The following CDH13 variants were observed in gnomAD, a reference collection of about 807,000 sequenced individuals.
CDH13 encodes cadherin 13.
A neutral mutation model predicts 63.8 loss-of-function variants in CDH13; 24 were observed. That is an observed-to-expected ratio of 0.38 (90% CI 0.27 to 0.53). The LOEUF (loss-of-function observed/expected upper bound fraction) is 0.53. CDH13 is among the 20% of genes least tolerant of loss of function. The pLI is 0.85. For synonymous variants in CDH13, 503 were observed against 355.3 expected, an observed-to-expected ratio of 1.42 and a Z score of -4.67; for missense variants, 1,049 against 903.1, an observed-to-expected ratio of 1.16 and a Z score of -2.07.
At chr16:83,634,135 ATGTG>A (rs35109001) in intron 8 of CDH13, among the ~76,000 whole-genome samples, 2 of 104,318 alleles carry the variant, frequency 1.9e-5, no homozygotes, top group African/African-American at 7.6e-5. Context: ...GTGTGTGTGT[ATGTG>A]TGTGTGTGTG....
intron 5 of CDH13, among the ~76,000 whole-genome samples, chr16:83,321,180 C>T (rs1444445156): frequency 2.0e-5 from 3 of 152,208 alleles, no homozygotes; most frequent in Non-Finnish European, 1.5e-5. Context: ...CAGACACAGA[C>T]ATCAATCTCT....
Position 83,670,839 on chromosome 16 carries a change from C to T in CDH13, c.1151C>T (p.Thr384Ile). Residue 384 changes from threonine to isoleucine, a missense_variant, in exon 9 of 14, where the codon ACA (threonine) becomes ATA (isoleucine). By Grantham distance (89) the Thr-to-Ile change is moderately conservative. Transcript: ENST00000567109. ...GCTGTGGGAGTTATTGTCAATTTGA[C>T]AGTTGAAGATAAGGATGACCCCACC... The part of the protein sequence containing the change: ...EGAVGVIVNL[T>I]VEDKDDPTTG... 6.2e-7 allele frequency: 1 copy of T among 1,613,970 alleles called. No individual in the cohort carries two copies. Among genetic ancestry groups the T allele is most frequent in the Non-Finnish European group, 8.5e-7 (1 of 1,179,864 alleles).
intron 2 of CDH13, among the ~76,000 whole-genome samples, chr16:82,971,087 A>G (rs539300714): frequency 6.6e-6 from 1 of 152,208 alleles, no homozygotes; most frequent in African/African-American, 2.4e-5. Flanking sequence ...GAACAAACAC[A>G]TTCTGAGAAC....
chr16:83,104,817 C>G (rs910348045), intron 3 of CDH13, among the ~76,000 whole-genome samples: 3 of 151,992 alleles, frequency 2.0e-5, no homozygotes, highest in African/African-American at 7.2e-5. Flanking sequence ...ATGAAGCTAA[C>G]GAACAAAAAC....
chr16:83,294,213 A>T (rs1029122408), intron 5 of CDH13, among the ~76,000 whole-genome samples: 4 of 152,190 alleles, frequency 2.6e-5, no homozygotes, highest in African/African-American at 9.7e-5. Flanking sequence ...CATATGCATT[A>T]TGTCACAGTT....
chr16:83,635,332 C>CTTTTTTT lies in CDH13; in HGVS notation c.1101+32761_1101+32767dup, dbSNP rs71148847. 1.1e-4 allele frequency among the ~76,000 whole-genome samples: 5 copies of CTTTTTTT among 46,730 alleles called. 1 individual carries two copies. The highest frequency in any genetic ancestry group is 3.0e-4 in the African/African-American group (3 of 10,112). The allele number at this position is 46,730 out of a possible 152,430, so 30.7% of individuals were successfully genotyped here. On this transcript the variant is annotated intron_variant, in intron 8 of 13. Coordinates refer to ENST00000567109, the MANE Select transcript of CDH13 (RefSeq NM_001257.5). ...ACTTTAACTTTTGCCCATTTTCTTT[C>CTTTTTTT]TTTTTTTTTTTTTTTTTTTTTTTTT...
At chr16:82,833,139 C>G (rs550717280) in intron 1 of CDH13, among the ~76,000 whole-genome samples, 2 of 152,270 alleles carry the variant, frequency 1.3e-5, no homozygotes, top group Non-Finnish European at 2.9e-5. Flanking sequence ...AACTCAGACC[C>G]GTCTCCCAAG....
At position 83,067,696 on chromosome 16, in the gene CDH13, G is replaced by T. The variant is rs375856024; in HGVS notation, c.366+35478G>T. On this transcript the variant is annotated intron_variant, in intron 3 of 13. Coordinates refer to ENST00000567109, the MANE Select transcript of CDH13 (RefSeq NM_001257.5). The stretch of plus-strand genomic sequence containing the variant: ...GAAACATGACTGAATAACAAAAGTA[G>T]GTTAGGAAAATACTGAAACAGAATA... 2.6e-5 allele frequency among the ~76,000 whole-genome samples: 4 copies of T among 152,236 alleles called. No individual in the cohort carries two copies. The South Asian group carries it at 6.2e-4, about 24-fold the overall frequency.
chr16:83,117,906 A>C (rs1201878645), intron 3 of CDH13, among the ~76,000 whole-genome samples: 1 of 152,196 alleles, frequency 6.6e-6, no homozygotes, highest in Non-Finnish European at 1.5e-5. Context: ...AGATTGGGAA[A>C]CAGGGAGGAA....
At chr16:83,449,016 A>G (rs1220650317) in intron 6 of CDH13, among the ~76,000 whole-genome samples, 2 of 152,198 alleles carry the variant, frequency 1.3e-5, no homozygotes, top group African/African-American at 4.8e-5. Flanking sequence ...CAGCCTGGCA[A>G]TCCTCAACAA....
At chr16:83,258,492 A>G (rs1283231037) in intron 5 of CDH13, among the ~76,000 whole-genome samples, 1 of 152,232 alleles carries the variant, frequency 6.6e-6, no homozygotes, top group Non-Finnish European at 1.5e-5. Flanking sequence ...ACTGTTACTG[A>G]TGATGATCAA....
chr16:83,161,841 G>A (rs998539334), intron 4 of CDH13, among the ~76,000 whole-genome samples: 1 of 152,014 alleles, frequency 6.6e-6, no homozygotes, highest in Non-Finnish European at 1.5e-5. Flanking sequence ...AGCCTGAGAC[G>A]CTATGTCAAA....
At chr16:83,402,299 A>G (rs1395932329) in intron 6 of CDH13, among the ~76,000 whole-genome samples, 1 of 152,168 alleles carries the variant, frequency 6.6e-6, no homozygotes, top group Non-Finnish European at 1.5e-5. Flanking sequence ...TGTGCCATGC[A>G]TGAGCTCATC....
chr16:83,263,519 G>C (rs1907227910), intron 5 of CDH13, among the ~76,000 whole-genome samples: 1 of 152,118 alleles, frequency 6.6e-6, no homozygotes, highest in Non-Finnish European at 1.5e-5. Context: ...TTGGTTCATA[G>C]GAATGGTCTT....
intron 6 of CDH13, among the ~76,000 whole-genome samples, chr16:83,367,470 C>A (rs2091280443): frequency 6.6e-6 from 1 of 152,092 alleles, no homozygotes; most frequent in African/African-American, 2.4e-5. Context: ...GTGTAAGTTT[C>A]CTGTGGATAT....
intron 2 of CDH13, among the ~76,000 whole-genome samples, chr16:82,935,120 C>G (rs921352651): frequency 1.3e-5 from 2 of 152,186 alleles, no homozygotes; most frequent in Non-Finnish European, 2.9e-5. Flanking sequence ...GTTTAATTGA[C>G]TCACAGTTTT....
At chr16:82,924,355 T>G (rs1053277896) in intron 2 of CDH13, among the ~76,000 whole-genome samples, 1 of 152,136 alleles carries the variant, frequency 6.6e-6, no homozygotes, top group African/African-American at 2.4e-5. Flanking sequence ...GTCAACATAA[T>G]GTTAAAACAA....
intron 10 of CDH13, among the ~76,000 whole-genome samples, chr16:83,695,458 C>T (rs1351740378): frequency 1.3e-5 from 2 of 151,988 alleles, no homozygotes; most frequent in African/African-American, 4.8e-5. Context: ...GGCAGATGCT[C>T]TGGGCCAAGC....
intron 6 of CDH13, among the ~76,000 whole-genome samples, chr16:83,383,527 G>A (rs1672819575): frequency 6.6e-6 from 1 of 152,084 alleles, no homozygotes; most frequent in Admixed American, 6.5e-5. Context: ...TACATTTATG[G>A]TTGGCATTCT....
Sources: gnomAD v4.1 joint callset for allele counts (sites outside exome capture counted in the v4.1 genomes callset) on GRCh38, gnomAD v4.1.1 for gene constraint, MANE v1.5 for transcripts, NCBI Gene and HGNC (gene_info 2026-07-23, HGNC 2026-07-21) for gene names.